Variants in FSIP1 observed in about 807,000 individuals in gnomAD.
The protein encoded by FSIP1 is fibrous sheath interacting protein 1.
FSIP1 carries 65 observed loss-of-function variants against 60.9 expected under a neutral mutation model. The ratio of observed to expected loss-of-function variants is 1.07; its 90% CI spans 0.87 to 1.31. The LOEUF (loss-of-function observed/expected upper bound fraction) is 1.31. Among genes scored for constraint, FSIP1 ranks in the 40% most tolerant of loss-of-function variants. FSIP1 has a pLI of 0.00. For missense variants in FSIP1, 675 were observed against 665.5 expected (o/e 1.01, Z -0.16); for synonymous variants, 209 against 221.2 (o/e 0.94, Z 0.49).
intron 10 of FSIP1, among the ~76,000 whole-genome samples, chr15:39,647,641 G>A (rs1743642433): frequency 6.6e-6 from 1 of 151,628 alleles, no homozygotes; most frequent in African/African-American, 2.4e-5. Context: ...ACAGTCTCAG[G>A]ACATAGGAAA....
At chr15:39,623,472 G>A (rs1247288664) in intron 10 of FSIP1, among the ~76,000 whole-genome samples, 2 of 152,148 alleles carry the variant, frequency 1.3e-5, no homozygotes, top group Non-Finnish European at 2.9e-5. Context: ...TGATTAACAA[G>A]GAGAATATGG....
chr15:39,739,689 C>T lies in FSIP1; in HGVS notation c.756G>A (p.Gln252=), dbSNP rs768715909. 6.3e-7 allele frequency: 1 copy of T among 1,597,614 alleles called. No individual in the cohort carries two copies. The highest frequency in any genetic ancestry group is 1.2e-5 in the South Asian group (1 of 86,682). ...CCTCAATGTTTCTCTTAATAAAATCCTGGTTGTGTTTACCCCTGAGCTCAA... is the reference window on the plus strand; with the variant it reads ...CCTCAATGTTTCTCTTAATAAAATCTTGGTTGTGTTTACCCCTGAGCTCAA... ...EKIELRGKHN[Q]DFIKRNIELA... is the part of the protein sequence containing the mutation. Residue 252 remains glutamine (Q), a synonymous_variant, in exon 7 of 12, where the codon CAG becomes CAA. Transcript: ENST00000350221.
At position 39,600,779 on chromosome 15, in the gene FSIP1, A is replaced by G. The variant is rs898657172; in HGVS notation, c.*101T>C. 100 of 810,772 alleles carry G rather than the reference A, an allele frequency of 1.2e-4. No homozygotes were observed. The highest frequency in any genetic ancestry group is 2.7e-4 in the Admixed American group (10 of 36,570). 50.2% of individuals were successfully genotyped at this position (810,772 alleles called of 1,614,324 possible). On this transcript the variant is annotated 3_prime_UTR_variant, in exon 12 of 12. Transcript: ENST00000350221. The stretch of plus-strand genomic sequence containing the variant: ...CTCCAAATGTCAAAATCAATAAAGA[A>G]TAGTCTCTGCAGTGCATTCATTGAA...
intron 11 of FSIP1, among the ~76,000 whole-genome samples, chr15:39,610,551 A>G (rs1890991524): frequency 6.6e-6 from 1 of 152,230 alleles, no homozygotes; most frequent in African/African-American, 2.4e-5. Context: ...CTGCAGTCTC[A>G]GCTACTCAGG....
rs760941846 is a variant in FSIP1, at chr15:39,617,887, C to A, written c.1547G>T (p.Ser516Ile). 2 of 1,613,990 alleles carry A rather than the reference C, an allele frequency of 1.2e-6. No individual in the cohort carries two copies. Among genetic ancestry groups the A allele is most frequent in the African/African-American group, 1.3e-5 (1 of 74,922 alleles). The change falls in exon 11 of 12, where the codon AGT (serine) becomes ATT (isoleucine). Residue 516 changes from serine to isoleucine, a missense_variant. Ser to Ile is a moderately radical substitution (Grantham distance 142, BLOSUM62 -2). Coordinates refer to ENST00000350221, the MANE Select transcript of FSIP1 (RefSeq NM_152597.5). ...CGACATAAAATAGTCTTTTGTGTCA[C>A]TAATAATAACGTCCTTGGAAAATTG... ...CLQFSKDVII[S>I]DTKDYFMSKT...
At chr15:39,745,448 T>C (rs1896961644) in intron 5 of FSIP1, among the ~76,000 whole-genome samples, 1 of 152,184 alleles carries the variant, frequency 6.6e-6, no homozygotes, top group Non-Finnish European at 1.5e-5. Context: ...ATATTAAAAC[T>C]CACATAAATG....
intron 10 of FSIP1, among the ~76,000 whole-genome samples, chr15:39,629,112 T>C (rs1891769705): frequency 6.6e-6 from 1 of 152,106 alleles, no homozygotes; most frequent in Non-Finnish European, 1.5e-5. Flanking sequence ...AAGATCTCTC[T>C]TGGATACCAG....
chr15:39,712,578 T>C (rs1310069238), intron 10 of FSIP1, among the ~76,000 whole-genome samples: 1 of 152,186 alleles, frequency 6.6e-6, no homozygotes, highest in Non-Finnish European at 1.5e-5. Flanking sequence ...TGACAGAATT[T>C]AGTAGGAGAC....
intron 5 of FSIP1, among the ~76,000 whole-genome samples, chr15:39,753,339 C>A (rs1243804035): frequency 6.6e-6 from 1 of 152,058 alleles, no homozygotes; most frequent in Non-Finnish European, 1.5e-5. Context: ...ATGAAGTTCA[C>A]ACAGCCTGAC....
At chr15:39,782,196 G>A (rs1898292253) in intron 1 of FSIP1, among the ~76,000 whole-genome samples, 1 of 152,202 alleles carries the variant, frequency 6.6e-6, no homozygotes, top group Admixed American at 6.5e-5. Flanking sequence ...CAGTCTCATA[G>A]GTGTAAAAGG....
In FSIP1 at chr15:39,659,383, A is replaced by C. The variant is rs188458885; in HGVS notation, c.1189-41138T>G. On this transcript the variant is annotated intron_variant, in intron 10 of 11. Coordinates refer to ENST00000350221, the MANE Select transcript of FSIP1 (RefSeq NM_152597.5). ...TGGTGAAACCCCGTCTCTACTAAAA[A>C]TACGAAAAATTAGCCAGGCGTGGTG... is the stretch of plus-strand genomic sequence containing the variant. 8.5e-3 allele frequency among the ~76,000 whole-genome samples: 1,296 copies of C among 152,232 alleles called. 11 individuals are homozygous for C. The highest frequency in any genetic ancestry group is 0.014 in the Non-Finnish European group (944 of 68,008).
At chr15:39,764,118 C>T (rs544248575) in intron 4 of FSIP1, among the ~76,000 whole-genome samples, 27 of 151,968 alleles carry the variant, frequency 1.8e-4, no homozygotes, top group South Asian at 1.5e-3. Context: ...AGAGTATATG[C>T]CTATCATTAT....
At chr15:39,747,043 C>G (rs1897021749) in intron 5 of FSIP1, among the ~76,000 whole-genome samples, 1 of 142,860 alleles carries the variant, frequency 7.0e-6, no homozygotes, top group Admixed American at 8.5e-5. Flanking sequence ...TTCCCTCCTT[C>G]CATTCTTCCT....
intron 1 of FSIP1, among the ~76,000 whole-genome samples, chr15:39,780,428 G>C (rs1898220734): frequency 6.6e-6 from 1 of 152,214 alleles, no homozygotes; most frequent in Non-Finnish European, 1.5e-5. Flanking sequence ...GGGAGGCTAA[G>C]GCAGGAGAAT....
At chr15:39,755,819 A>G (rs1897283831) in intron 5 of FSIP1, among the ~76,000 whole-genome samples, 2 of 152,198 alleles carry the variant, frequency 1.3e-5, no homozygotes, top group South Asian at 4.1e-4. Context: ...AACACAAGAG[A>G]GAAACGTGAC....
At chr15:39,630,265 T>C (rs1891826346) in intron 10 of FSIP1, among the ~76,000 whole-genome samples, 1 of 152,244 alleles carries the variant, frequency 6.6e-6, no homozygotes, top group Non-Finnish European at 1.5e-5. Context: ...TTCCAAGTTG[T>C]GCTATGATCC....
At chr15:39,718,213 C>CATAG (rs911932077) in intron 9 of FSIP1, among the ~76,000 whole-genome samples, 27 of 151,848 alleles carry the variant, frequency 1.8e-4, no homozygotes, top group Non-Finnish European at 3.1e-4. Context: ...TAGATATATA[C>CATAG]ATAGATAGAT....
At chr15:39,720,736 A>T (rs1895924963) in intron 9 of FSIP1, among the ~76,000 whole-genome samples, 1 of 151,386 alleles carries the variant, frequency 6.6e-6, no homozygotes, top group Non-Finnish European at 1.5e-5. Context: ...ATTATAGAAC[A>T]TCACTCAGTT....
Position 39,726,635 on chromosome 15 carries a change from G to C in FSIP1, c.1004C>G (p.Pro335Arg). The C allele has an allele frequency of 6.2e-7, 1 of 1,614,100 alleles. No individual in the cohort carries two copies. The highest frequency in any genetic ancestry group is 8.5e-7 in the Non-Finnish European group (1 of 1,180,016). ...IKLQELSAAS[P>R]TISSFSPRLE... ...TCTTGGAGAAAAACTGGAAATTGTAGGGGAGGCTGCAGAGAGTTCTTGGAG... is the reference window on the plus strand; with the variant it reads ...TCTTGGAGAAAAACTGGAAATTGTACGGGAGGCTGCAGAGAGTTCTTGGAG... Residue 335 changes from proline (P) to arginine (R), a missense_variant, in exon 9 of 12, where the codon CCT becomes CGT. Pro to Arg is a moderately radical substitution (Grantham distance 103). Coordinates refer to ENST00000350221, the MANE Select transcript of FSIP1 (RefSeq NM_152597.5).
Sources: allele counts gnomAD v4.1 joint callset (sites outside exome capture counted in the v4.1 genomes callset), GRCh38; gene constraint gnomAD v4.1.1; transcripts MANE v1.5; gene names NCBI Gene and HGNC (gene_info 2026-07-23, HGNC 2026-07-21).